The following P4HA2 variants were observed in gnomAD, a reference collection of about 807,000 sequenced individuals.
P4HA2 encodes prolyl 4-hydroxylase subunit alpha-2.
In P4HA2, 46 loss-of-function variants were observed where a neutral mutation model predicts 76.9. That is an observed-to-expected ratio of 0.60 (90% CI 0.47 to 0.76). The LOEUF (loss-of-function observed/expected upper bound fraction) is 0.76. Among genes scored for constraint, P4HA2 ranks in the 30% least tolerant of loss-of-function variants. The pLI is 0.00. For synonymous variants in P4HA2, 243 were observed against 254.0 expected (o/e 0.96, Z 0.41); for missense variants, 583 against 669.4 (o/e 0.87, Z 1.42).
chr5:132,201,544 T>C (rs924731048), intron 10 of P4HA2: 8 of 152,054 alleles, frequency 5.3e-5, no homozygotes, highest in Admixed American at 5.2e-4. Flanking sequence ...CCATGAAGGA[T>C]CAAAGCCTTC....
Position 132,218,584 on chromosome 5 carries a change from C to T in P4HA2, c.43G>A (p.Val15Ile). 1 of 1,614,016 alleles carries T rather than the reference C, an allele frequency of 6.2e-7. No homozygotes were observed. The highest frequency in any genetic ancestry group is 1.1e-5 in the South Asian group (1 of 91,078). The change falls in exon 2 of 15, where the codon GTC (valine) becomes ATC (isoleucine). Residue 15 changes from valine to isoleucine, a missense_variant. Transcript: ENST00000360568. Reference protein sequence around the residue: ...VSALLMAWFGVLSCVQAEFFT... With the variant: ...VSALLMAWFGILSCVQAEFFT... Reference sequence around the variant, plus strand: ...AATTCGGCCTGCACACAGCTCAGGACACCAAACCAGGCCATCAGCAATGCA... The same window carrying T: ...AATTCGGCCTGCACACAGCTCAGGATACCAAACCAGGCCATCAGCAATGCA...
chr5:132,212,542 G>A (rs955968150), intron 5 of P4HA2, among the ~76,000 whole-genome samples: 3 of 152,174 alleles, frequency 2.0e-5, no homozygotes, highest in African/African-American at 7.2e-5. Context: ...ACAAGGAGAT[G>A]AGGATTTCAG....
intron 1 of P4HA2, among the ~76,000 whole-genome samples, chr5:132,226,233 A>T (rs1409694734): frequency 1.3e-5 from 2 of 152,166 alleles, no homozygotes; most frequent in East Asian, 3.9e-4. Flanking sequence ...AACATCCTAT[A>T]AATTCTTAGG....
chr5:132,212,339 G>A (rs776663880), intron 5 of P4HA2, among the ~76,000 whole-genome samples: 1 of 152,186 alleles, frequency 6.6e-6, no homozygotes, highest in Non-Finnish European at 1.5e-5. Flanking sequence ...CTGGAGGTAG[G>A]AGACAAGTCA....
At chr5:132,220,218 T>C (rs768351454) in intron 1 of P4HA2, among the ~76,000 whole-genome samples, 1 of 152,244 alleles carries the variant, frequency 6.6e-6, no homozygotes, top group African/African-American at 2.4e-5. Context: ...GGCCTTACTA[T>C]ACTGTCTTCT....
At chr5:132,194,400 C>T (rs1048154479) in intron 14 of P4HA2, among the ~76,000 whole-genome samples, 32 of 152,230 alleles carry the variant, frequency 2.1e-4, no homozygotes, top group Non-Finnish European at 3.7e-4. Context: ...TGAGCCTCTC[C>T]GAGGCTCACC....
chr5:132,213,809 C>A, intron 5 of P4HA2, 107 bp downstream of exon 5: 1 of 1,041,766 alleles, frequency 9.6e-7, no homozygotes, highest in Non-Finnish European at 1.4e-6. Flanking sequence ...AAGAGGTGCA[C>A]CAGAGGTGCA....
At chr5:132,197,305 C>T (rs1267669584) in intron 12 of P4HA2, among the ~76,000 whole-genome samples, 4 of 152,008 alleles carry the variant, frequency 2.6e-5, no homozygotes, top group African/African-American at 4.8e-5. Context: ...AGCACTGGGC[C>T]CATCAAAAAG....
Position 132,198,391 on chromosome 5 carries a change from C to A in P4HA2, c.1306-11G>T. 6.2e-7 allele frequency: 1 copy of A among 1,612,248 alleles called. No homozygotes were observed. The highest frequency in any genetic ancestry group is 8.5e-7 in the Non-Finnish European group (1 of 1,179,732). On this transcript the variant is annotated splice_polypyrimidine_tract_variant and intron_variant, in intron 11 of 14. Coordinates refer to ENST00000360568, the MANE Select transcript of P4HA2 (RefSeq NM_001017974.2). ...GCTGTCAAAAGGTCGCTGCAACAGA[C>A]AACAACTTTCACCCAAGTTTACAAC...
chr5:132,226,303 C>T (rs566142421), intron 1 of P4HA2, among the ~76,000 whole-genome samples: 32 of 152,302 alleles, frequency 2.1e-4, no homozygotes, highest in African/African-American at 6.3e-4. Flanking sequence ...TACAACGTAA[C>T]GGACTCCAGC....
At chr5:132,209,434 C>T in intron 6 of P4HA2, 103 bp from the exon 7 acceptor site, 1 of 928,034 alleles carries the variant, frequency 1.1e-6, no homozygotes, top group Non-Finnish European at 1.7e-6. Flanking sequence ...AGCTCACCTG[C>T]ATGCTGCATT....
rs1332745999 is a variant in P4HA2, at chr5:132,191,679, T to C, written c.*1331A>G. On this transcript the variant is annotated 3_prime_UTR_variant, in exon 15 of 15. Transcript: ENST00000360568. ...CATTTACTCCTGGTGAGAATGTGTA[T>C]AACCACCTTGGAATACATTATTTAG... 6.6e-6 allele frequency among the ~76,000 whole-genome samples: 1 copy of C among 152,178 alleles called. No individual in the cohort carries two copies. The highest frequency in any genetic ancestry group is 2.4e-5 in the African/African-American group (1 of 41,430).
chr5:132,196,398 T>C (rs1380634055), intron 12 of P4HA2, among the ~76,000 whole-genome samples: 1 of 152,172 alleles, frequency 6.6e-6, no homozygotes, highest in Non-Finnish European at 1.5e-5. Context: ...AAGTTCCTTT[T>C]CTCTTACAGG....
chr5:132,198,214 A>C, intron 12 of P4HA2, 107 bp downstream of exon 12: 1 of 1,614,214 alleles, frequency 6.2e-7, no homozygotes, highest in Non-Finnish European at 8.5e-7. Flanking sequence ...ACGTAGTTTA[A>C]GAAAGTAGCC....
intron 10 of P4HA2, chr5:132,202,402 A>G (rs1751631037): frequency 6.6e-6 from 1 of 152,236 alleles, no homozygotes; most frequent in South Asian, 2.1e-4. Context: ...AAAAGTTCAA[A>G]AAATCTTTTC....
chr5:132,219,550 C>T (rs1159630935), intron 1 of P4HA2, among the ~76,000 whole-genome samples: 1 of 152,134 alleles, frequency 6.6e-6, no homozygotes, highest in South Asian at 2.1e-4. Flanking sequence ...GATACCGTCT[C>T]CCAGCTCAGC....
intron 14 of P4HA2, 41 bp downstream of exon 14, chr5:132,194,885 C>G (rs1217714780): frequency 1.4e-6 from 2 of 1,384,942 alleles, no homozygotes; most frequent in African/African-American, 1.4e-5. Context: ...AAAGCCCAAG[C>G]TGAGGCCACC....
Position 132,203,830 on chromosome 5 carries a change from T to A in P4HA2, c.1169A>T (p.Asp390Val). 1.2e-6 allele frequency: 2 copies of A among 1,613,548 alleles called. No individual in the cohort carries two copies. The highest frequency in any genetic ancestry group is 1.7e-6 in the Non-Finnish European group (2 of 1,179,496). ...RVSKSSWLEE[D>V]DDPVVARVNR... ...TACTCGGGCCACAACAGGGTCATCA[T>A]CTTCCTCTAGCCAGGAGCTGGGCAA... Residue 390 changes from aspartate (D) to valine (V), a missense_variant, in exon 10 of 15, where the codon GAT (aspartate) becomes GTT (valine). By Grantham distance (152) the Asp-to-Val change is radical. Transcript: ENST00000360568.
chr5:132,201,117 T>C (rs1451242305), intron 10 of P4HA2: 5 of 151,366 alleles, frequency 3.3e-5, no homozygotes, highest in African/African-American at 1.2e-4. Context: ...AAGAGTGGGG[T>C]CAGTTATTTG....
Sources: allele counts gnomAD v4.1 joint callset (sites outside exome capture counted in the v4.1 genomes callset), GRCh38; gene constraint gnomAD v4.1.1; transcripts MANE v1.5; gene names NCBI Gene and HGNC (gene_info 2026-07-23, HGNC 2026-07-21).